TP73: variants seen among roughly 807,000 people sequenced by gnomAD.
The protein encoded by TP73 is tumor protein p73.
Under a neutral mutation model 62.5 loss-of-function variants are expected in TP73, and 25 were observed. The observed-to-expected ratio is 0.40, with a 90% CI of 0.29 to 0.56. TP73 has a LOEUF of 0.56. Ranked by LOEUF, TP73 falls within the 20% of genes least tolerant of loss-of-function variation. The pLI is 0.46. For synonymous variants in TP73, 423 were observed against 377.5 expected, an observed-to-expected ratio of 1.12 and a Z score of -1.40; for missense variants, 754 against 913.3, an observed-to-expected ratio of 0.83 and a Z score of 2.25.
At chr1:3,683,230 A>G (rs1645567173) in intron 3 of TP73, 50 bp downstream of exon 3, 2 of 1,558,348 alleles carry the variant, frequency 1.3e-6, no homozygotes, top group East Asian at 2.3e-5. Context: ...GGGACAACAA[A>G]TGTGGCCTGT....
At chr1:3,687,137 C>T (rs1645678688) in intron 3 of TP73, among the ~76,000 whole-genome samples, 1 of 152,210 alleles carries the variant, frequency 6.6e-6, no homozygotes, top group African/African-American at 2.4e-5. Context: ...GAAGACCCTA[C>T]ATGGCTCACA....
intron 6 of TP73, among the ~76,000 whole-genome samples, chr1:3,725,270 T>C (rs1641411225): frequency 6.6e-6 from 1 of 152,028 alleles, no homozygotes; most frequent in Non-Finnish European, 1.5e-5. Flanking sequence ...GACTCTGTGC[T>C]TCTCTGAGAG....
intron 1 of TP73, among the ~76,000 whole-genome samples, chr1:3,676,513 C>T (rs1234398583): frequency 6.6e-6 from 1 of 151,076 alleles, no homozygotes; most frequent in Non-Finnish European, 1.5e-5. Flanking sequence ...GGACAGGGGG[C>T]TGTGGCTTTC....
At chr1:3,705,564 G>T (rs1454967794) in intron 3 of TP73, among the ~76,000 whole-genome samples, 6 of 152,272 alleles carry the variant, frequency 3.9e-5, no homozygotes, top group African/African-American at 1.4e-4. Flanking sequence ...CAGGGCACGG[G>T]TCGCCCCTGA....
chr1:3,705,948 G>A (rs903635874), intron 3 of TP73, among the ~76,000 whole-genome samples: 1 of 152,256 alleles, frequency 6.6e-6, no homozygotes, highest in Non-Finnish European at 1.5e-5. Flanking sequence ...TGAGGTGCAG[G>A]AAGGGGCTGA....
At chr1:3,678,962 T>A (rs1425776739) in intron 1 of TP73, among the ~76,000 whole-genome samples, 1 of 152,186 alleles carries the variant, frequency 6.6e-6, no homozygotes, top group Non-Finnish European at 1.5e-5. Context: ...CCACCCCACA[T>A]GCTCCTGGTG....
intron 4 of TP73, among the ~76,000 whole-genome samples, chr1:3,720,789 G>T (rs1641009004): frequency 6.6e-6 from 1 of 152,248 alleles, no homozygotes; most frequent in African/African-American, 2.4e-5. Flanking sequence ...GGGGTCAGGG[G>T]GTCAGGGCCC....
Position 3,699,394 on chromosome 1 carries a change from A to G in TP73, c.187-8155A>G, listed in dbSNP as rs903365067. Reference sequence around the variant, plus strand: ...AAAAAACCACAACAGTCTGGTCTCAATATTCTCCAGGGAACGAGGACACGG... The same window carrying G: ...AAAAAACCACAACAGTCTGGTCTCAGTATTCTCCAGGGAACGAGGACACGG... On this transcript the variant is annotated intron_variant, in intron 3 of 13. Coordinates refer to ENST00000378295, the MANE Select transcript of TP73 (RefSeq NM_005427.4). This position sits in a 1 kb window ranked among gnomAD's most constrained non-coding sequence, Gnocchi z 4.1. Among the ~76,000 whole-genome samples, 1 of 152,154 alleles carries G rather than the reference A, an allele frequency of 6.6e-6. No homozygotes were observed. Among genetic ancestry groups the G allele is most frequent in the Admixed American group, 6.5e-5 (1 of 15,284 alleles).
At chr1:3,723,219 G>A in intron 5 of TP73, 135 bp from the exon 6 acceptor site, 1 of 689,322 alleles carries the variant, frequency 1.5e-6, no homozygotes, top group Non-Finnish European at 2.6e-6. Flanking sequence ...CCTGGCACGG[G>A]GCTGGGTACC....
intron 4 of TP73, among the ~76,000 whole-genome samples, chr1:3,710,987 C>T (rs1019017945): frequency 3.3e-5 from 5 of 152,172 alleles, no homozygotes; most frequent in Non-Finnish European, 1.5e-5. Flanking sequence ...TAACCAGTGA[C>T]CAGTGACAGG....
chr1:3,707,155 G>A (rs113878831), intron 3 of TP73, among the ~76,000 whole-genome samples: 4 of 152,282 alleles, frequency 2.6e-5, no homozygotes, highest in African/African-American at 9.6e-5. Flanking sequence ...TGGCTCCCTG[G>A]GGCTGGATCT....
chr1:3,662,170 C>A lies in TP73; in HGVS notation c.-34+9529C>A, dbSNP rs1030832007. 1.3e-5 allele frequency: 2 copies of A among 152,222 alleles called. No homozygotes were observed. The highest frequency in any genetic ancestry group is 4.8e-5 in the African/African-American group (2 of 41,442). The allele number at this position is 152,222 out of a possible 1,614,324, so 9.4% of individuals were successfully genotyped here. The stretch of plus-strand genomic sequence containing the variant: ...CCAGGCACCTGCTGGAGCAGGAACT[C>A]TTCCTTCACCGGCTTCTGTTGGGGC... On this transcript the variant is annotated intron_variant, in intron 1 of 13. Transcript: ENST00000378295. The surrounding 1 kb of genome is among the most constrained non-coding windows in gnomAD (Gnocchi z 4.4).
chr1:3,719,559 A>C (rs1640889465), intron 4 of TP73, among the ~76,000 whole-genome samples: 3 of 152,206 alleles, frequency 2.0e-5, no homozygotes, highest in African/African-American at 7.2e-5. Flanking sequence ...AGGCCACTGC[A>C]AGTTTGGGCC....
At position 3,699,750 on chromosome 1, in the gene TP73, G is replaced by T. The variant is rs551885085; in HGVS notation, c.187-7799G>T. Reference sequence around the variant, plus strand: ...CAGGGATGCTCGGGCGGGGGCAGGAGCTGGAGAGGTGACAGGAGCGAGGGA... The same window carrying T: ...CAGGGATGCTCGGGCGGGGGCAGGATCTGGAGAGGTGACAGGAGCGAGGGA... On this transcript the variant is annotated intron_variant, in intron 3 of 13. Coordinates refer to ENST00000378295, the MANE Select transcript of TP73 (RefSeq NM_005427.4). This position sits in a 1 kb window ranked among gnomAD's most constrained non-coding sequence, Gnocchi z 4.1. 6.6e-6 allele frequency among the ~76,000 whole-genome samples: 1 copy of T among 152,228 alleles called. No homozygotes were observed. The highest frequency in any genetic ancestry group is 2.4e-5 in the African/African-American group (1 of 41,472).
At chr1:3,674,966 A>G (rs1267790696) in intron 1 of TP73, among the ~76,000 whole-genome samples, 2 of 152,148 alleles carry the variant, frequency 1.3e-5, no homozygotes, top group Non-Finnish European at 2.9e-5. Context: ...GTCCCTGGGA[A>G]AAGGGCACAA....
In TP73 at chr1:3,682,478, T is replaced by TAG. The variant is rs774929375; in HGVS notation, c.65+48_65+49insAG. 9.1e-6 allele frequency: 13 copies of TAG among 1,424,324 alleles called. No individual in the cohort carries two copies. In the East Asian group the frequency reaches 3.1e-4, roughly 34 times the overall value. 88.2% of individuals were successfully genotyped at this position (1,424,324 alleles called of 1,614,324 possible). A position where few individuals can be genotyped will look rare whatever the true frequency, so the allele number is the denominator to read the frequency against. ...AGCTGGGGGCCCCCCTGGGAGGCAC[T>TAG]CTGGGCTAGCCTCAGCCACCTTCGC... On this transcript the variant is annotated intron_variant, in intron 2 of 13. Transcript: ENST00000378295.
chr1:3,698,303 C>T (rs1638849322), intron 3 of TP73, among the ~76,000 whole-genome samples: 1 of 152,166 alleles, frequency 6.6e-6, no homozygotes, highest in Non-Finnish European at 1.5e-5. Context: ...CTCGTCTTCC[C>T]GGGCACTCGG....
chr1:3,674,225 G>C (rs1340017605), intron 1 of TP73, among the ~76,000 whole-genome samples: 1 of 152,176 alleles, frequency 6.6e-6, no homozygotes, highest in Admixed American at 6.5e-5. Context: ...AAGCTTCTGG[G>C]GTGAGGCTCA....
At chr1:3,726,148 GTGGA>G (rs1641556120) in intron 6 of TP73, among the ~76,000 whole-genome samples, 1 of 130,220 alleles carries the variant, frequency 7.7e-6, no homozygotes, top group Non-Finnish European at 1.6e-5. Context: ...GGATGGGTGG[GTGGA>G]TGGATGGTTG....
Sources: gnomAD v4.1 joint callset for allele counts (sites outside exome capture counted in the v4.1 genomes callset) on GRCh38, gnomAD v4.1.1 for gene constraint, Gnocchi (gnomAD v3.1) non-coding constraint, MANE v1.5 for transcripts, NCBI Gene and HGNC (gene_info 2026-07-23, HGNC 2026-07-21) for gene names.